The following SPRED1 variants were observed in gnomAD, a reference collection of about 807,000 sequenced individuals.
SPRED1 encodes sprouty-related, EVH1 domain-containing protein 1.
SPRED1 carries 18 observed loss-of-function variants against 52.3 expected under a neutral mutation model. The observed-to-expected ratio is 0.34, with a 90% CI of 0.24 to 0.51. The LOEUF (loss-of-function observed/expected upper bound fraction) is 0.51, where lower values mean the gene tolerates loss of function less well. SPRED1 is among the 20% of genes least tolerant of loss of function. SPRED1 has a pLI of 0.97. For missense variants in SPRED1, 485 were observed against 551.0 expected, an observed-to-expected ratio of 0.88 and a Z score of 1.20; for synonymous variants, 155 against 179.7, an observed-to-expected ratio of 0.86 and a Z score of 1.10.
chr15:38,322,515 G>A (rs1895625559), intron 3 of SPRED1, 106 bp downstream of exon 3: 4 of 1,157,794 alleles, frequency 3.5e-6, no homozygotes, highest in African/African-American at 3.1e-5. Context: ...AACCATGTCA[G>A]CTTTTGTGAT....
At chr15:38,328,091 A>G (rs1433390847) in intron 4 of SPRED1, among the ~76,000 whole-genome samples, 1 of 152,232 alleles carries the variant, frequency 6.6e-6, no homozygotes, top group African/African-American at 2.4e-5. Context: ...GTTAAGTTTC[A>G]TAATTCATCT....
chr15:38,275,696 C>A (rs888308391), intron 1 of SPRED1, among the ~76,000 whole-genome samples: 7 of 152,306 alleles, frequency 4.6e-5, no homozygotes, highest in Middle Eastern at 3.4e-3. Flanking sequence ...CGGGGTTTCA[C>A]CATGTTCGTC....
intron 1 of SPRED1, among the ~76,000 whole-genome samples, chr15:38,282,318 T>TACACAC (rs36184596): frequency 7.1e-4 from 42 of 59,152 alleles, no homozygotes; most frequent in African/African-American, 1.6e-3. Context: ...CTACTAAAAA[T>TACACAC]ACACACACAC....
At chr15:38,270,610 A>T (rs1423669078) in intron 1 of SPRED1, among the ~76,000 whole-genome samples, 1 of 152,118 alleles carries the variant, frequency 6.6e-6, no homozygotes, top group African/African-American at 2.4e-5. Flanking sequence ...AGTGCTACAC[A>T]CTTCAAACAA....
intron 5 of SPRED1, among the ~76,000 whole-genome samples, chr15:38,345,991 A>G (rs1896127809): frequency 6.6e-6 from 1 of 152,194 alleles, no homozygotes; most frequent in Non-Finnish European, 1.5e-5. Context: ...ATGCTTAAAT[A>G]GGCATTGCCA....
rs572935872 is a variant in SPRED1, at chr15:38,323,394, A to C, written c.376+985A>C. ...CATTTTGTCTTTATTGTAAGACCCC[A>C]TAAATTCTCCTTAGATCAGTGTTCT... is the stretch of plus-strand genomic sequence containing the variant. On this transcript the variant is annotated intron_variant, in intron 3 of 6. Transcript: ENST00000299084. Among the ~76,000 whole-genome samples the C allele has an allele frequency of 2.0e-5, 3 of 152,262 alleles. No homozygotes were observed. In the East Asian group the frequency reaches 5.8e-4, roughly 29 times the overall value.
rs1888629673 is a variant in SPRED1, at chr15:38,356,693, T to G, written c.*5029T>G. 6.6e-6 allele frequency: 1 copy of G among 152,134 alleles called. No homozygotes were observed. The highest frequency in any genetic ancestry group is 2.1e-4 in the South Asian group (1 of 4,832). The allele number at this position is 152,134 out of a possible 1,614,324, so 9.4% of individuals were successfully genotyped here. ...TGTTATATTTATTGGTTTGGTAACA[T>G]GTTGCAGCTAAGCTAATGACCTTAA... On this transcript the variant is annotated 3_prime_UTR_variant, in exon 7 of 7. Transcript: ENST00000299084.
At chr15:38,333,480 G>A (rs556288136) in intron 4 of SPRED1, among the ~76,000 whole-genome samples, 1 of 152,240 alleles carries the variant, frequency 6.6e-6, no homozygotes, top group South Asian at 2.1e-4. Flanking sequence ...GTAACAGACT[G>A]TGTGTTCATT....
At chr15:38,331,702 T>C (rs538933590) in intron 4 of SPRED1, among the ~76,000 whole-genome samples, 2 of 152,214 alleles carry the variant, frequency 1.3e-5, no homozygotes, top group African/African-American at 4.8e-5. Flanking sequence ...ACATCCCTAA[T>C]ATAAAAATTA....
intron 1 of SPRED1, among the ~76,000 whole-genome samples, chr15:38,257,446 C>T (rs1458355840): frequency 6.6e-6 from 1 of 151,914 alleles, no homozygotes; most frequent in Non-Finnish European, 1.5e-5. Context: ...AATTATTACC[C>T]GTTTAAGAAG....
intron 1 of SPRED1, among the ~76,000 whole-genome samples, chr15:38,272,219 A>G (rs946288239): frequency 6.7e-6 from 1 of 149,656 alleles, no homozygotes; most frequent in Non-Finnish European, 1.5e-5. Flanking sequence ...TTGGTAGAAC[A>G]ATTTATTTTC....
chr15:38,258,131 A>G lies in SPRED1; in HGVS notation c.32+4914A>G, dbSNP rs78830293. ...GTAATAATTTATTTGCAATTCTGCC[A>G]TTAAATAACAGCTGCTAAAATTTTG... On this transcript the variant is annotated intron_variant, in intron 1 of 6. Transcript: ENST00000299084. 5.0e-4 allele frequency among the ~76,000 whole-genome samples: 76 copies of G among 152,368 alleles called. No individual in the cohort carries two copies. The East Asian group carries it at 0.012, about 23-fold the overall frequency.
At chr15:38,315,577 CT>C (rs1274809110) in intron 2 of SPRED1, among the ~76,000 whole-genome samples, 4 of 147,986 alleles carry the variant, frequency 2.7e-5, no homozygotes, top group Admixed American at 2.1e-4. Flanking sequence ...AGTTTCTCCC[CT>C]TTTTTCCCCC....
chr15:38,350,059 A>G (rs781508674), intron 6 of SPRED1, among the ~76,000 whole-genome samples: 3 of 152,186 alleles, frequency 2.0e-5, no homozygotes, highest in Non-Finnish European at 2.9e-5. Flanking sequence ...CATTGTTCAG[A>G]GACTTTTTGT....
intron 4 of SPRED1, among the ~76,000 whole-genome samples, chr15:38,330,068 G>T (rs931572665): frequency 8.5e-5 from 13 of 152,168 alleles, no homozygotes; most frequent in African/African-American, 2.9e-4. Context: ...AGATTTATGT[G>T]TTAGCAGGAT....
At chr15:38,262,418 G>A (rs1410790471) in intron 1 of SPRED1, among the ~76,000 whole-genome samples, 1 of 152,196 alleles carries the variant, frequency 6.6e-6, no homozygotes, top group South Asian at 2.1e-4. Context: ...TGTGAAGGAA[G>A]GCTTCAGGAA....
intron 2 of SPRED1, among the ~76,000 whole-genome samples, chr15:38,312,119 A>G (rs929402152): frequency 6.6e-6 from 1 of 152,186 alleles, no homozygotes; most frequent in East Asian, 1.9e-4. Flanking sequence ...TTAACTTTCA[A>G]AGGTTGAATA....
intron 1 of SPRED1, among the ~76,000 whole-genome samples, chr15:38,257,118 C>T (rs886481291): frequency 1.6e-4 from 25 of 152,158 alleles, no homozygotes; most frequent in Admixed American, 2.6e-4. Flanking sequence ...GTAAATTTGT[C>T]ATTTTTCCCC....
Position 38,351,764 on chromosome 15 carries a change from G to C in SPRED1, c.*100G>C, listed in dbSNP as rs954339455. ...GGCAAGCAATATGGAATCTTGCCTG[G>C]TATCATTGAGCCCACACATGGAGGA... On this transcript the variant is annotated 3_prime_UTR_variant, in exon 7 of 7. Coordinates refer to ENST00000299084, the MANE Select transcript of SPRED1 (RefSeq NM_152594.3). 2.9e-6 allele frequency: 4 copies of C among 1,377,712 alleles called. No individual in the cohort carries two copies. In the African/African-American group the frequency reaches 4.3e-5, roughly 15 times the overall value. The allele number at this position is 1,377,712 out of a possible 1,614,324, so 85.3% of individuals were successfully genotyped here. A position where few individuals can be genotyped will look rare whatever the true frequency, so the allele number is the denominator to read the frequency against.
Sources: allele counts gnomAD v4.1 joint callset (sites outside exome capture counted in the v4.1 genomes callset), GRCh38; gene constraint gnomAD v4.1.1; transcripts MANE v1.5; gene names NCBI Gene and HGNC (gene_info 2026-07-23, HGNC 2026-07-21).